SEMA3D: variants seen among roughly 807,000 people sequenced by gnomAD.
SEMA3D encodes the protein semaphorin 3D.
Under a neutral mutation model 100.1 loss-of-function variants are expected in SEMA3D, and 84 were observed. The observed-to-expected ratio is 0.84, with a 90% CI of 0.70 to 1.01. The LOEUF (loss-of-function observed/expected upper bound fraction) is 1.01. Among genes scored for constraint, SEMA3D ranks in the 50% least tolerant of loss-of-function variants. The pLI, the probability that SEMA3D is intolerant of heterozygous loss-of-function variation, is 0.00. For missense variants in SEMA3D, 875 were observed against 934.1 expected, an observed-to-expected ratio of 0.94 and a Z score of 0.82; for synonymous variants, 312 against 320.7, an observed-to-expected ratio of 0.97 and a Z score of 0.29.
At chr7:85,127,287 C>T (rs778446818) in intron 2 of SEMA3D, among the ~76,000 whole-genome samples, 6 of 152,022 alleles carry the variant, frequency 3.9e-5, no homozygotes, top group Non-Finnish European at 8.8e-5. Flanking sequence ...TATTTTGTAG[C>T]GGTTTAAACA....
chr7:85,121,606 T>C, intron 3 of SEMA3D, 135 bp downstream of exon 3: 1 of 551,362 alleles, frequency 1.8e-6, no homozygotes, highest in South Asian at 2.9e-5. Context: ...TCGTGTTCTA[T>C]AATTCTATTT....
intron 3 of SEMA3D, among the ~76,000 whole-genome samples, chr7:85,115,372 C>T (rs1789209076): frequency 1.3e-5 from 2 of 152,226 alleles, no homozygotes; most frequent in South Asian, 4.1e-4. Context: ...AGATAATTCA[C>T]ACTCAGTCCT....
chr7:85,078,843 T>G (rs1787966492), intron 5 of SEMA3D, among the ~76,000 whole-genome samples: 1 of 152,046 alleles, frequency 6.6e-6, no homozygotes. Flanking sequence ...TAGGTAAAAA[T>G]TACTAGAGAG....
At chr7:85,158,229 G>T (rs898522975) in intron 1 of SEMA3D, among the ~76,000 whole-genome samples, 2 of 152,162 alleles carry the variant, frequency 1.3e-5, no homozygotes, top group Non-Finnish European at 2.9e-5. Context: ...CAGTGATCTG[G>T]GCAGAACAGA....
chr7:85,140,792 T>C, intron 2 of SEMA3D: 1 of 949,218 alleles, frequency 1.1e-6, no homozygotes, highest in Non-Finnish European at 1.3e-6. Flanking sequence ...TGCTGCTTAA[T>C]TATTCCATTA....
At chr7:85,107,663 T>G (rs1259396419) in intron 3 of SEMA3D, among the ~76,000 whole-genome samples, 1 of 152,054 alleles carries the variant, frequency 6.6e-6, no homozygotes, top group African/African-American at 2.4e-5. Context: ...TGAAATGATC[T>G]AATCCTCAGG....
Position 85,006,939 on chromosome 7 carries a change from T to C in SEMA3D, c.1771A>G (p.Ile591Val), listed in dbSNP as rs1489082915. ...ITQCWDIEDS[I>V]SHETADEKVI... is the part of the protein sequence containing the mutation. ...TTTTCATCAGCAGTTTCATGACTAA[T>C]GCCTGGAAAGCAAACATGGAATAAG... The change falls in exon 18 of 19, where the codon ATT (isoleucine) becomes GTT (valine). Residue 591 changes from isoleucine (I) to valine (V), a missense_variant and splice_region_variant. Coordinates refer to ENST00000284136, the MANE Select transcript of SEMA3D (RefSeq NM_001384900.1). 1.2e-6 allele frequency: 2 copies of C among 1,608,904 alleles called. No homozygotes were observed. Among genetic ancestry groups the C allele is most frequent in the Non-Finnish European group, 1.7e-6 (2 of 1,177,018 alleles).
chr7:85,217,531 A>C, the SEMA3D span, among the ~76,000 whole-genome samples: 4 of 152,094 alleles, frequency 2.6e-5, no homozygotes, highest in Admixed American at 2.0e-4. Context: ...TAAGTGAAGA[A>C]AAGTTGGCAT....
At chr7:85,103,822 T>C (rs17641482) in intron 3 of SEMA3D, among the ~76,000 whole-genome samples, 16,534 of 152,064 alleles carry the variant, frequency 0.11, 1,162 homozygotes, top group Non-Finnish European at 0.17. Context: ...TGCTTAAATA[T>C]AGAAATCATT....
At chr7:85,197,865 A>G in the SEMA3D span, among the ~76,000 whole-genome samples, 2 of 152,180 alleles carry the variant, frequency 1.3e-5, no homozygotes, top group Non-Finnish European at 2.9e-5. Flanking sequence ...AAATCACTCA[A>G]ATTATTCTCA....
chr7:85,013,233 A>G (rs1179953623), intron 16 of SEMA3D, among the ~76,000 whole-genome samples: 1 of 151,756 alleles, frequency 6.6e-6, no homozygotes, highest in Admixed American at 6.6e-5. Flanking sequence ...TAATATATAA[A>G]AGCGTTCAGT....
intron 17 of SEMA3D, among the ~76,000 whole-genome samples, chr7:85,011,856 TAG>T (rs1219046892): frequency 6.6e-6 from 1 of 151,794 alleles, no homozygotes; most frequent in African/African-American, 2.4e-5. Context: ...CCACCAGTTA[TAG>T]ATTATGAAAT....
At chr7:85,049,047 T>TC (rs1394145600) in intron 9 of SEMA3D, among the ~76,000 whole-genome samples, 1 of 151,576 alleles carries the variant, frequency 6.6e-6, no homozygotes, top group African/African-American at 2.4e-5. Context: ...TACTTAGGAT[T>TC]CCCCCCAAAA....
Position 85,033,486 on chromosome 7 carries a change from G to C in SEMA3D, c.1191+3403C>G, listed in dbSNP as rs560430387. 1.4e-4 allele frequency among the ~76,000 whole-genome samples: 21 copies of C among 152,130 alleles called. No individual in the cohort carries two copies. The South Asian group carries it at 1.9e-3, about 14-fold the overall frequency. Reference sequence around the variant, plus strand: ...TTGTAAAGCATCTTAACTTACACTCGAGTTGGAAAATAATGTAACCAGGAT... The same window carrying C: ...TTGTAAAGCATCTTAACTTACACTCCAGTTGGAAAATAATGTAACCAGGAT... On this transcript the variant is annotated intron_variant, in intron 12 of 18. Transcript: ENST00000284136.
the SEMA3D span, among the ~76,000 whole-genome samples, chr7:85,234,736 G>C: frequency 1.3e-4 from 20 of 152,276 alleles, no homozygotes; most frequent in African/African-American, 4.8e-4. Flanking sequence ...GTGTGTTAAA[G>C]GAACTAAAAT....
chr7:85,003,474 TG>T (rs1472047823), intron 18 of SEMA3D, among the ~76,000 whole-genome samples: 2 of 152,020 alleles, frequency 1.3e-5, no homozygotes, highest in Non-Finnish European at 2.9e-5. Flanking sequence ...GCTGTCTCAT[TG>T]GGGAAGGAGT....
chr7:85,015,846 A>T (rs1351315547), intron 15 of SEMA3D, among the ~76,000 whole-genome samples: 1 of 151,746 alleles, frequency 6.6e-6, no homozygotes, highest in African/African-American at 2.4e-5. Context: ...TCCTGAAAGT[A>T]ATGCATTACT....
rs958245072 is a variant in SEMA3D, at chr7:85,027,983, T to C, written c.1192-5370A>G. The C allele has an allele frequency of 5.2e-6, 3 of 573,382 alleles. No individual in the cohort carries two copies. The African/African-American group carries it at 5.6e-5, about 11-fold the overall frequency. 35.5% of individuals were successfully genotyped at this position (573,382 alleles called of 1,614,324 possible). A position where few individuals can be genotyped will look rare whatever the true frequency, so the allele number is the denominator to read the frequency against. Reference sequence around the variant, plus strand: ...TTACGGATACCAAACAATTGATTAGTGATACTCCAAATAATCAAGTTCCAA... The same window carrying C: ...TTACGGATACCAAACAATTGATTAGCGATACTCCAAATAATCAAGTTCCAA... On this transcript the variant is annotated intron_variant, in intron 12 of 18. Transcript: ENST00000284136.
chr7:85,138,382 C>T lies in SEMA3D; in HGVS notation c.-41+15226G>A, dbSNP rs1455777064. 2.0e-5 allele frequency among the ~76,000 whole-genome samples: 3 copies of T among 151,618 alleles called. 1 individual carries two copies. The highest frequency in any genetic ancestry group is 1.3e-4 in the Admixed American group (2 of 15,152). On this transcript the variant is annotated intron_variant, in intron 2 of 18. Transcript: ENST00000284136. ...CTGCTCACTGCAACCTCTGCCTCCC[C>T]GGTTCAAGGGATTCTCACGTCTCAG...
Sources: allele counts gnomAD v4.1 joint callset (sites outside exome capture counted in the v4.1 genomes callset), GRCh38; gene constraint gnomAD v4.1.1; transcripts MANE v1.5; gene names NCBI Gene and HGNC (gene_info 2026-07-23, HGNC 2026-07-21).